Variants in CSMD1 observed in about 807,000 individuals in gnomAD.
CSMD1 encodes CUB and Sushi multiple domains 1, also known as CUB and sushi domain-containing protein 1.
CSMD1 carries 213 observed loss-of-function variants against 417.5 expected under a neutral mutation model. The observed-to-expected ratio is 0.51, with a 90% confidence interval of 0.46 to 0.57. CSMD1 has a LOEUF of 0.57. Ranked by LOEUF, CSMD1 falls within the 20% of genes least tolerant of loss-of-function variation. The pLI, the probability that CSMD1 is intolerant of heterozygous loss-of-function variation, is 0.00. For synonymous variants in CSMD1, 2,862 were observed against 1,736.8 expected, an observed-to-expected ratio of 1.65 and a Z score of -16.11; for missense variants, 6,923 against 4,529.7, an observed-to-expected ratio of 1.53 and a Z score of -15.17.
At chr8:4,612,715 G>T (rs1480357488) in intron 2 of CSMD1, among the ~76,000 whole-genome samples, 6 of 152,138 alleles carry the variant, frequency 3.9e-5, no homozygotes, top group Admixed American at 1.3e-4. Context: ...GGGTATGGAG[G>T]CTGGTGGGTG....
At chr8:3,017,343 T>C (rs967106706) in intron 52 of CSMD1, among the ~76,000 whole-genome samples, 8 of 152,182 alleles carry the variant, frequency 5.3e-5, no homozygotes, top group Non-Finnish European at 1.0e-4. Context: ...TGGAAACTCC[T>C]AGAAGGACTT....
chr8:4,127,703 G>A (rs895918460), intron 3 of CSMD1, among the ~76,000 whole-genome samples: 3 of 152,102 alleles, frequency 2.0e-5, no homozygotes, highest in East Asian at 1.9e-4. Flanking sequence ...CAGTCATGAT[G>A]AATAAATTTA....
chr8:3,611,986 G>A (rs1801915661), intron 8 of CSMD1, among the ~76,000 whole-genome samples: 2 of 151,894 alleles, frequency 1.3e-5, no homozygotes, highest in Non-Finnish European at 2.9e-5. Flanking sequence ...AATATACTCA[G>A]TTATTTGAAA....
chr8:3,246,823 C>T (rs1212934421), intron 26 of CSMD1, among the ~76,000 whole-genome samples: 1 of 152,190 alleles, frequency 6.6e-6, no homozygotes, highest in Non-Finnish European at 1.5e-5. Context: ...ATTCCCCTGA[C>T]ACACTGAGAG....
At chr8:3,708,602 T>C (rs1230016261) in intron 6 of CSMD1, 111 bp from the exon 7 acceptor site, 9 of 821,420 alleles carry the variant, frequency 1.1e-5, no homozygotes, top group African/African-American at 5.0e-5. Flanking sequence ...CCCCCGAAAA[T>C]GGGAAATGTT....
chr8:4,450,081 G>T (rs771772143), intron 2 of CSMD1, among the ~76,000 whole-genome samples: 8 of 152,234 alleles, frequency 5.3e-5, no homozygotes, highest in Non-Finnish European at 7.3e-5. Context: ...TCCTCGTCCT[G>T]TCTCACTTCT....
At chr8:4,570,617 G>A (rs527496322) in intron 2 of CSMD1, among the ~76,000 whole-genome samples, 52 of 152,136 alleles carry the variant, frequency 3.4e-4, no homozygotes, top group Non-Finnish European at 7.4e-4. Flanking sequence ...TTTTTATTGT[G>A]TCTCTGCCAG....
intron 69 of CSMD1, among the ~76,000 whole-genome samples, chr8:2,942,072 C>T (rs1036357673): frequency 6.6e-6 from 1 of 152,032 alleles, no homozygotes; most frequent in African/African-American, 2.4e-5. Context: ...GACAAATAAG[C>T]ATTGTTAGTC....
intron 5 of CSMD1, among the ~76,000 whole-genome samples, chr8:3,929,172 G>C (rs2129148521): frequency 6.7e-6 from 1 of 150,270 alleles, no homozygotes; most frequent in South Asian, 2.2e-4. Context: ...CACTTAACAA[G>C]AGTGCAAGGC....
At chr8:4,396,916 A>C (rs925441615) in intron 3 of CSMD1, among the ~76,000 whole-genome samples, 5 of 152,068 alleles carry the variant, frequency 3.3e-5, no homozygotes, top group African/African-American at 1.2e-4. Flanking sequence ...AAAAGACTAC[A>C]CCTTGGGTAC....
chr8:3,959,358 G>A (rs994077319), intron 5 of CSMD1, among the ~76,000 whole-genome samples: 6 of 152,154 alleles, frequency 3.9e-5, no homozygotes, highest in South Asian at 2.1e-4. Context: ...AATTAGCTGG[G>A]TGTGATGGCG....
intron 3 of CSMD1, among the ~76,000 whole-genome samples, chr8:4,351,048 C>T (rs1333279099): frequency 7.2e-5 from 11 of 152,118 alleles, no homozygotes; most frequent in Non-Finnish European, 1.6e-4. Context: ...ACAAATCTGC[C>T]TGGCTCAGAC....
At chr8:3,495,544 T>C (rs972051709) in intron 10 of CSMD1, among the ~76,000 whole-genome samples, 19 of 152,194 alleles carry the variant, frequency 1.2e-4, no homozygotes, top group African/African-American at 3.9e-4. Context: ...GCAGGTCCTG[T>C]TGTCAAACAC....
At position 3,120,865 on chromosome 8, in the gene CSMD1, T is replaced by C. The variant is rs1817164916; in HGVS notation, c.6242-2278A>G. 2.6e-5 allele frequency among the ~76,000 whole-genome samples: 4 copies of C among 152,128 alleles called. No individual in the cohort carries two copies. In the South Asian group the frequency reaches 8.3e-4, roughly 32 times the overall value. ...CATCACAAATAAATAAATAACAATATGCAATGCTAGTGAGTCATTTCAGTA... is the reference window on the plus strand; with the variant it reads ...CATCACAAATAAATAAATAACAATACGCAATGCTAGTGAGTCATTTCAGTA... On this transcript the variant is annotated intron_variant, in intron 41 of 69. Transcript: ENST00000635120.
intron 23 of CSMD1, among the ~76,000 whole-genome samples, chr8:3,320,074 G>A (rs1806053276): frequency 6.6e-6 from 1 of 152,126 alleles, no homozygotes; most frequent in Non-Finnish European, 1.5e-5. Flanking sequence ...GCATAGAGGG[G>A]CTGCCACCAG....
chr8:4,036,588 T>A (rs1188049231), intron 3 of CSMD1, among the ~76,000 whole-genome samples: 1 of 152,214 alleles, frequency 6.6e-6, no homozygotes, highest in Non-Finnish European at 1.5e-5. Flanking sequence ...AAGGTATTTT[T>A]AATAGGGAAA....
chr8:3,097,025 G>C lies in CSMD1; in HGVS notation c.6962C>G (p.Ala2321Gly), dbSNP rs905969929. The change falls in exon 47 of 70, where the codon GCA (alanine) becomes GGA (glycine). Residue 2321 changes from alanine (A) to glycine (G), a missense_variant. By Grantham distance (60) the Ala-to-Gly change is moderately conservative. Transcript: ENST00000635120. ...CGATGATCCAGTCCGGACTTCATTT[G>C]CTGGGCATTGTGCTGGAGAGAAAAG... is the stretch of plus-strand genomic sequence containing the variant. ...SLPTCEAQCP[A>G]NEVRTGSSGV... is the part of the protein sequence containing the mutation. The C allele has an allele frequency of 1.9e-6, 3 of 1,545,678 alleles. No individual in the cohort carries two copies. Among genetic ancestry groups the C allele is most frequent in the Non-Finnish European group, 2.6e-6 (3 of 1,145,138 alleles).
At chr8:3,774,711 C>T (rs1290610546) in intron 5 of CSMD1, among the ~76,000 whole-genome samples, 1 of 152,096 alleles carries the variant, frequency 6.6e-6, no homozygotes, top group East Asian at 1.9e-4. Context: ...AATAACTTCA[C>T]GATTTCTGCT....
At chr8:3,798,146 G>A (rs550017841) in intron 5 of CSMD1, among the ~76,000 whole-genome samples, 1 of 151,934 alleles carries the variant, frequency 6.6e-6, no homozygotes, top group Admixed American at 6.6e-5. Context: ...TATGTTTAGT[G>A]CATCATATGT....
Sources: gnomAD v4.1 joint callset for allele counts (sites outside exome capture counted in the v4.1 genomes callset) on GRCh38, gnomAD v4.1.1 for gene constraint, MANE v1.5 for transcripts, NCBI Gene and HGNC (gene_info 2026-07-23, HGNC 2026-07-21) for gene names.